Variants in CCSER2 observed in about 807,000 individuals in gnomAD.
CCSER2 encodes serine-rich coiled-coil domain-containing protein 2.
A neutral mutation model predicts 92.3 loss-of-function variants in CCSER2; 46 were observed. The ratio of observed to expected loss-of-function variants is 0.50; its 90% confidence interval spans 0.39 to 0.64. The LOEUF (loss-of-function observed/expected upper bound fraction) is 0.64. CCSER2 is among the 30% of genes least tolerant of loss of function. The probability of loss-of-function intolerance (pLI) is 0.00; values close to 1 mark genes in which losing one functional copy is unlikely to be tolerated. For synonymous variants in CCSER2, 433 were observed against 431.4 expected (o/e 1.00, Z -0.04); for missense variants, 1,244 against 1,238.9 (o/e 1.00, Z -0.06).
At chr10:84,395,179 GC>G (rs1841761844) in intron 3 of CCSER2, among the ~76,000 whole-genome samples, 1 of 148,976 alleles carries the variant, frequency 6.7e-6, no homozygotes, top group Non-Finnish European at 1.5e-5. Flanking sequence ...AGCCATGATT[GC>G]GCCACTGCAC....
chr10:84,412,190 C>T (rs1367368462), intron 3 of CCSER2, among the ~76,000 whole-genome samples: 1 of 152,092 alleles, frequency 6.6e-6, no homozygotes, highest in Non-Finnish European at 1.5e-5. Flanking sequence ...TTCTGTTTGC[C>T]AGTATTTTGT....
chr10:84,347,785 T>C (rs59620034), intron 1 of CCSER2, among the ~76,000 whole-genome samples: 31,320 of 148,640 alleles, frequency 0.21, 3,484 homozygotes, highest in Admixed American at 0.34. Flanking sequence ...ACGGGGCGGC[T>C]GGACAGAGAC....
chr10:84,457,554 T>C (rs59820752), intron 6 of CCSER2, among the ~76,000 whole-genome samples: 1 of 116,606 alleles, frequency 8.6e-6, no homozygotes, highest in Non-Finnish European at 1.6e-5. Flanking sequence ...TAATGTATAT[T>C]ATTATATATA....
chr10:84,416,574 A>T (rs1318281546), intron 3 of CCSER2, among the ~76,000 whole-genome samples: 1 of 152,222 alleles, frequency 6.6e-6, no homozygotes, highest in Non-Finnish European at 1.5e-5. Flanking sequence ...AACACCCAAC[A>T]TAGGAAACAG....
At chr10:84,501,334 G>A (rs1213428889) in intron 9 of CCSER2, among the ~76,000 whole-genome samples, 1 of 152,168 alleles carries the variant, frequency 6.6e-6, no homozygotes, top group Non-Finnish European at 1.5e-5. Flanking sequence ...TAAACAGCAA[G>A]GTTTGAGATT....
At chr10:84,498,797 G>A (rs77695298) in intron 9 of CCSER2, among the ~76,000 whole-genome samples, 2,911 of 152,200 alleles carry the variant, frequency 0.019, 90 homozygotes, top group Admixed American at 0.073. Flanking sequence ...TTGTGCATAT[G>A]TTTCAGTCAG....
intron 6 of CCSER2, among the ~76,000 whole-genome samples, chr10:84,456,830 AT>A (rs1845652746): frequency 6.6e-6 from 1 of 150,676 alleles, no homozygotes; most frequent in Non-Finnish European, 1.5e-5. Flanking sequence ...TTGTGTAAAG[AT>A]TAATGATATT....
At chr10:84,365,573 G>T (rs1392305584) in intron 1 of CCSER2, among the ~76,000 whole-genome samples, 1 of 152,190 alleles carries the variant, frequency 6.6e-6, no homozygotes, top group Non-Finnish European at 1.5e-5. Context: ...TCTTCATAGA[G>T]AATAGCACAT....
At chr10:84,504,932 T>G (rs1848964576) in intron 9 of CCSER2, among the ~76,000 whole-genome samples, 1 of 152,196 alleles carries the variant, frequency 6.6e-6, no homozygotes, top group Admixed American at 6.5e-5. Flanking sequence ...AGTCTGAACC[T>G]TAAATATTTT....
In CCSER2 at chr10:84,414,480, A is replaced by G. The variant is rs368304062; in HGVS notation, c.1615-3291A>G. Among the ~76,000 whole-genome samples the G allele has an allele frequency of 2.4e-3, 366 of 152,084 alleles. 1 individual carries two copies. Among genetic ancestry groups the G allele is most frequent in the African/African-American group, 8.4e-3 (350 of 41,476 alleles). On this transcript the variant is annotated intron_variant, in intron 3 of 9. Transcript: ENST00000372088. ...TAAGAATGTTGAATATTGGCCCCCA[A>G]CTTCTTCTGGCTTGTAGGGTTTCCA...
intron 3 of CCSER2, among the ~76,000 whole-genome samples, chr10:84,387,538 T>C (rs1056110027): frequency 6.6e-6 from 1 of 152,178 alleles, no homozygotes; most frequent in Non-Finnish European, 1.5e-5. Context: ...TTTTAATTTT[T>C]TTTTTTTTGA....
At chr10:84,442,993 A>G (rs1409804323) in intron 6 of CCSER2, among the ~76,000 whole-genome samples, 1 of 152,240 alleles carries the variant, frequency 6.6e-6, no homozygotes, top group African/African-American at 2.4e-5. Flanking sequence ...TACAAAAATT[A>G]ACTCGAGATG....
chr10:84,438,104 A>G (rs1844295189), intron 5 of CCSER2, among the ~76,000 whole-genome samples: 1 of 152,196 alleles, frequency 6.6e-6, no homozygotes, highest in African/African-American at 2.4e-5. Flanking sequence ...CTGAGAGTTA[A>G]TGTTGGTAGC....
At chr10:84,361,225 T>A (rs2133116869) in intron 1 of CCSER2, among the ~76,000 whole-genome samples, 1 of 152,350 alleles carries the variant, frequency 6.6e-6, no homozygotes, top group Admixed American at 6.5e-5. Flanking sequence ...TAAGCAGACA[T>A]TAAAATGTTA....
chr10:84,425,612 G>T, intron 4 of CCSER2, 119 bp from the exon 5 acceptor site: 1 of 609,016 alleles, frequency 1.6e-6, no homozygotes, highest in East Asian at 3.4e-5. Flanking sequence ...AACATAAATG[G>T]CTGATATTTT....
At position 84,390,860 on chromosome 10, in the gene CCSER2, C is replaced by G; in HGVS notation, c.1614+17045C>G. The G allele has an allele frequency of 6.7e-6, 4 of 600,736 alleles. No individual in the cohort carries two copies. In the South Asian group the frequency reaches 7.0e-5, roughly 11 times the overall value. 37.2% of individuals were successfully genotyped at this position (600,736 alleles called of 1,614,324 possible). On this transcript the variant is annotated intron_variant, in intron 3 of 9. Transcript: ENST00000372088. ...GACATCTTAATCTTAATCATACAGA[C>G]ACAGTATAAATATTCTAAGACCTTA...
intron 1 of CCSER2, among the ~76,000 whole-genome samples, chr10:84,346,758 TTTTATATA>T (rs780130962): frequency 9.7e-5 from 14 of 144,964 alleles, no homozygotes; most frequent in Non-Finnish European, 1.4e-4. Context: ...ATTTCTTTTT[TTTTATATA>T]TATATATATA....
At chr10:84,470,084 C>T (rs1846696158) in intron 7 of CCSER2, among the ~76,000 whole-genome samples, 1 of 140,934 alleles carries the variant, frequency 7.1e-6, no homozygotes, top group Non-Finnish European at 1.5e-5. Context: ...AAAAGGATTA[C>T]AGTACCTACC....
intron 1 of CCSER2, among the ~76,000 whole-genome samples, chr10:84,333,566 T>A (rs1306573825): frequency 6.6e-6 from 1 of 152,184 alleles, no homozygotes; most frequent in Non-Finnish European, 1.5e-5. Flanking sequence ...TTGGAAAGAT[T>A]AGGTGTTGCA....
Sources: allele counts gnomAD v4.1 joint callset (sites outside exome capture counted in the v4.1 genomes callset), GRCh38; gene constraint gnomAD v4.1.1; transcripts MANE v1.5; gene names NCBI Gene and HGNC (gene_info 2026-07-23, HGNC 2026-07-21).